PIK3R2: variants seen among roughly 807,000 people sequenced by gnomAD.
PIK3R2 encodes phosphatidylinositol 3-kinase regulatory subunit beta.
Under a neutral mutation model 78.5 loss-of-function variants are expected in PIK3R2, and 40 were observed. The ratio of observed to expected loss-of-function variants is 0.51; its 90% CI spans 0.40 to 0.66. The LOEUF is 0.66. Among genes scored for constraint, PIK3R2 ranks in the 30% least tolerant of loss-of-function variants. The probability of loss-of-function intolerance (pLI) is 0.00; values close to 1 mark genes in which losing one functional copy is unlikely to be tolerated. For synonymous variants in PIK3R2, 473 were observed against 457.7 expected (o/e 1.03, Z -0.43); for missense variants, 880 against 1,026.6 (o/e 0.86, Z 1.95).
intron 12 of PIK3R2, among the ~76,000 whole-genome samples, chr19:18,166,733 G>A (rs1001899727): frequency 6.6e-6 from 1 of 151,344 alleles, no homozygotes. Flanking sequence ...AAAGAAATGG[G>A]CTTTGAAGGA....
intron 2 of PIK3R2, among the ~76,000 whole-genome samples, chr19:18,159,347 G>A (rs1168690860): frequency 6.6e-6 from 1 of 151,682 alleles, no homozygotes; most frequent in African/African-American, 2.4e-5. Context: ...AATCAGGGTC[G>A]TGCCCCCTCT....
In PIK3R2 at chr19:18,169,334, C is replaced by G. The variant is rs910566187; in HGVS notation, c.*40C>G. The stretch of plus-strand genomic sequence containing the variant: ...CCCCAAGCAGAGCCGCCCCTGGGCC[C>G]GTCTGCGCCGGAGGCTGCGGCGGCG... On this transcript the variant is annotated 3_prime_UTR_variant, in exon 16 of 16. Transcript: ENST00000222254. 1.6e-6 allele frequency: 2 copies of G among 1,247,596 alleles called. No homozygotes were observed. The highest frequency in any genetic ancestry group is 1.6e-5 in the African/African-American group (1 of 62,258). 77.3% of individuals were successfully genotyped at this position (1,247,596 alleles called of 1,614,324 possible).
rs1440570627 is a variant in PIK3R2, at chr19:18,156,130, C to T, written c.251C>T (p.Ala84Val). Residue 84 changes from alanine to valine, a missense_variant, in exon 2 of 16, where the codon GCC becomes GTC. Transcript: ENST00000222254. The surrounding 1 kb of genome is among the most constrained non-coding windows in gnomAD (Gnocchi z 4.2). Reference sequence around the variant, plus strand: ...GAGTTCCTGGGGCCCGTGGCCCTGGCCCGGCCCGGCCCTCGCCCACGGGGC... The same window carrying T: ...GAGTTCCTGGGGCCCGTGGCCCTGGTCCGGCCCGGCCCTCGCCCACGGGGC... ...YVEFLGPVAL[A>V]RPGPRPRGPR... is the part of the protein sequence containing the mutation. The T allele has an allele frequency of 6.7e-6, 10 of 1,498,188 alleles. No individual in the cohort carries two copies. Among genetic ancestry groups the T allele is most frequent in the Non-Finnish European group, 8.9e-6 (10 of 1,126,412 alleles). The allele number at this position is 1,498,188 out of a possible 1,614,324, so 92.8% of individuals were successfully genotyped here.
In PIK3R2 at chr19:18,167,686, C is replaced by T. The variant is rs1286334161; in HGVS notation, c.1736+380C>T. 7.2e-5 allele frequency among the ~76,000 whole-genome samples: 11 copies of T among 151,922 alleles called. No homozygotes were observed. Among genetic ancestry groups the T allele is most frequent in the Non-Finnish European group, 1.3e-4 (9 of 67,976 alleles). On this transcript the variant is annotated intron_variant, in intron 13 of 15. Coordinates refer to ENST00000222254, the MANE Select transcript of PIK3R2 (RefSeq NM_005027.4). This position sits in a 1 kb window ranked among gnomAD's most constrained non-coding sequence, Gnocchi z 4.5. ...CAGCCTGGCCAACATGGTGAAACCC[C>T]GTCTCTACTAAAAATAAAAAATACA... is the stretch of plus-strand genomic sequence containing the variant.
rs2043748101 is a variant in PIK3R2 at position 18,161,632 on chromosome 19, A to G, written c.815+137A>G. On this transcript the variant is annotated intron_variant, in intron 6 of 15. Transcript: ENST00000222254. The surrounding 1 kb of genome is among the most constrained non-coding windows in gnomAD (Gnocchi z 5.3). ...CAGAGTGAGAAGCTGCGTTCTTGTG[A>G]TGACGGAGCGGAGACCTGGGCTCCT... is the stretch of plus-strand genomic sequence containing the variant. 1 of 499,602 alleles carries G rather than the reference A, an allele frequency of 2.0e-6. No homozygotes were observed. The highest frequency in any genetic ancestry group is 3.4e-5 in the East Asian group (1 of 29,476). 30.9% of individuals were successfully genotyped at this position (499,602 alleles called of 1,614,324 possible).
chr19:18,154,147 G>T (rs962611256), intron 1 of PIK3R2, among the ~76,000 whole-genome samples: 1 of 152,100 alleles, frequency 6.6e-6, no homozygotes, highest in Non-Finnish European at 1.5e-5. Flanking sequence ...CTTCCTATCC[G>T]CTGTGATGAT....
In PIK3R2 at chr19:18,155,460, G is replaced by A. The variant is rs1026745962; in HGVS notation, c.-420G>A. ...TGCCCTATCCCTGTCTCCCTAGGTC[G>A]GCGTCCTCAGCTGGCCGAGCATGGT... is the stretch of plus-strand genomic sequence containing the variant. On this transcript the variant is annotated 5_prime_UTR_variant, in exon 2 of 16. Coordinates refer to ENST00000222254, the MANE Select transcript of PIK3R2 (RefSeq NM_005027.4). The A allele has an allele frequency of 3.7e-5, 15 of 405,646 alleles. No homozygotes were observed. Among genetic ancestry groups the A allele is most frequent in the African/African-American group, 1.2e-4 (6 of 48,638 alleles). 25.1% of individuals were successfully genotyped at this position (405,646 alleles called of 1,614,324 possible).
At position 18,162,266 on chromosome 19, in the gene PIK3R2, A is replaced by G; in HGVS notation, c.966A>G (p.Pro322=). ...ASTVLANGGS[P]PSLQDAEWYW... ...CAGTCCTGGCCAATGGAGGGAGCCCACCCTCCCTGCAGGATGCTGAGTGGT... is the reference window on the plus strand; with the variant it reads ...CAGTCCTGGCCAATGGAGGGAGCCCGCCCTCCCTGCAGGATGCTGAGTGGT... The change falls in exon 8 of 16, where the codon CCA becomes CCG. Residue 322 remains proline (P), a synonymous_variant. Coordinates refer to ENST00000222254, the MANE Select transcript of PIK3R2 (RefSeq NM_005027.4). The G allele has an allele frequency of 6.2e-7, 1 of 1,610,192 alleles. No individual in the cohort carries two copies. Among genetic ancestry groups the G allele is most frequent in the Non-Finnish European group, 8.5e-7 (1 of 1,176,994 alleles).
In PIK3R2 at chr19:18,168,715, C is replaced by T. The variant is rs766403742; in HGVS notation, c.1809-11C>T. ...GACCAGGGCCCTCCCCGCCACCGCC[C>T]CCCACCCCAGCCAGTACGCACTCAT... On this transcript the variant is annotated splice_polypyrimidine_tract_variant and intron_variant, in intron 14 of 15. Coordinates refer to ENST00000222254, the MANE Select transcript of PIK3R2 (RefSeq NM_005027.4). The surrounding 1 kb of genome is among the most constrained non-coding windows in gnomAD (Gnocchi z 4.1). 6.2e-7 allele frequency: 1 copy of T among 1,608,862 alleles called. No individual in the cohort carries two copies. The highest frequency in any genetic ancestry group is 2.2e-5 in the East Asian group (1 of 44,824).
Position 18,169,275 on chromosome 19 carries a change from C to CGCCGCCT in PIK3R2, c.2175_2181dup (p.Arg728CysfsTer85). 2 of 1,507,482 alleles carry CGCCGCCT rather than the reference C, an allele frequency of 1.3e-6. No homozygotes were observed. The highest frequency in any genetic ancestry group is 1.8e-6 in the Non-Finnish European group (2 of 1,134,494). 93.4% of individuals were successfully genotyped at this position (1,507,482 alleles called of 1,614,324 possible). A position where few individuals can be genotyped will look rare whatever the true frequency, so the allele number is the denominator to read the frequency against. ...CCAGTGCGCGCCCCGGGCCCCGGCC[C>CGCCGCCT]GCCGCCTGCCGCCCGCTGAGCACCG... is the stretch of plus-strand genomic sequence containing the variant. On this transcript the variant is annotated frameshift_variant, in exon 16 of 16. Coordinates refer to ENST00000222254, the MANE Select transcript of PIK3R2 (RefSeq NM_005027.4). LOFTEE classifies it high-confidence loss of function.
chr19:18,159,875 G>C (rs1444338301), intron 2 of PIK3R2, among the ~76,000 whole-genome samples: 3 of 152,114 alleles, frequency 2.0e-5, no homozygotes, highest in Non-Finnish European at 4.4e-5. Context: ...CCGAGTAGCT[G>C]GGATTACAGG....
At position 18,156,309 on chromosome 19, in the gene PIK3R2, C is replaced by A; in HGVS notation, c.322+108C>A. On this transcript the variant is annotated intron_variant, in intron 2 of 15. Transcript: ENST00000222254. This position sits in a 1 kb window ranked among gnomAD's most constrained non-coding sequence, Gnocchi z 4.2. ...ATCTCCAAGGAAGGAGGAAAAAGGACATTTGGTCATTTGACAAGTGTCTTC... is the reference window on the plus strand; with the variant it reads ...ATCTCCAAGGAAGGAGGAAAAAGGAAATTTGGTCATTTGACAAGTGTCTTC... 1 of 857,020 alleles carries A rather than the reference C, an allele frequency of 1.2e-6. No homozygotes were observed. Among genetic ancestry groups the A allele is most frequent in the Admixed American group, 3.6e-5 (1 of 27,788 alleles). The allele number at this position is 857,020 out of a possible 1,614,324, so 53.1% of individuals were successfully genotyped here. A position where few individuals can be genotyped will look rare whatever the true frequency, so the allele number is the denominator to read the frequency against.
intron 11 of PIK3R2, among the ~76,000 whole-genome samples, chr19:18,164,710 A>C (rs1204866379): frequency 6.9e-6 from 1 of 145,584 alleles, no homozygotes; most frequent in African/African-American, 2.5e-5. Flanking sequence ...ATCTCAGCTC[A>C]CTGCAACCTC....
At position 18,169,312 on chromosome 19, in the gene PIK3R2, C is replaced by T; in HGVS notation, c.*18C>T. Reference sequence around the variant, plus strand: ...CCCGCTGAGCACCGAGGACCCGCCCCAAGCAGAGCCGCCCCTGGGCCCGTC... The same window carrying T: ...CCCGCTGAGCACCGAGGACCCGCCCTAAGCAGAGCCGCCCCTGGGCCCGTC... On this transcript the variant is annotated 3_prime_UTR_variant, in exon 16 of 16. Transcript: ENST00000222254. The T allele has an allele frequency of 7.2e-7, 1 of 1,389,050 alleles. No individual in the cohort carries two copies. Among genetic ancestry groups the T allele is most frequent in the Admixed American group, 3.3e-5 (1 of 29,880 alleles). The allele number at this position is 1,389,050 out of a possible 1,614,324, so 86.0% of individuals were successfully genotyped here.
At chr19:18,162,705 GA>G in intron 9 of PIK3R2, 199 bp downstream of exon 9, 1 of 606,656 alleles carries the variant, frequency 1.6e-6, no homozygotes. Flanking sequence ...CCAACATGGT[GA>G]AACCCCGTCT....
chr19:18,163,364 T>C lies in PIK3R2; in HGVS notation c.1392T>C (p.Tyr464=), dbSNP rs1291958721. The C allele has an allele frequency of 1.9e-6, 3 of 1,613,956 alleles. No individual in the cohort carries two copies. Among genetic ancestry groups the C allele is most frequent in the Non-Finnish European group, 2.5e-6 (3 of 1,180,002 alleles). Residue 464 remains tyrosine (Y), a synonymous_variant, in exon 11 of 16, where the codon TAT becomes TAC. Coordinates refer to ENST00000222254, the MANE Select transcript of PIK3R2 (RefSeq NM_005027.4). ...QDKSREYDQL[Y]EEYTRTSQEL... Reference sequence around the variant, plus strand: ...AGAGCCGCGAGTATGACCAGCTTTATGAAGAGTACACACGGACCTCCCAGG... The same window carrying C: ...AGAGCCGCGAGTATGACCAGCTTTACGAAGAGTACACACGGACCTCCCAGG...
Position 18,163,423 on chromosome 19 carries a change from C to T in PIK3R2, c.1416+35C>T, listed in dbSNP as rs767226581. The T allele has an allele frequency of 2.4e-5, 39 of 1,612,262 alleles. No homozygotes were observed. The East Asian group carries it at 8.5e-4, about 35-fold the overall frequency. On this transcript the variant is annotated intron_variant, in intron 11 of 15. Transcript: ENST00000222254. ...GCCCCGTACATGAGGGAAACCGAGA[C>T]ATAGAGGGGCAGTGGCAAGGCCGGG...
rs999159666 is a variant in PIK3R2 at position 18,167,875 on chromosome 19, G to T, written c.1736+569G>T. Among the ~76,000 whole-genome samples the T allele has an allele frequency of 5.4e-5, 8 of 149,268 alleles. No individual in the cohort carries two copies. Among genetic ancestry groups the T allele is most frequent in the African/African-American group, 9.8e-5 (4 of 40,644 alleles). On this transcript the variant is annotated intron_variant, in intron 13 of 15. Coordinates refer to ENST00000222254, the MANE Select transcript of PIK3R2 (RefSeq NM_005027.4). The surrounding 1 kb of genome is among the most constrained non-coding windows in gnomAD (Gnocchi z 4.5). Reference sequence around the variant, plus strand: ...CAACACTCTGCCTCAGAAAAGAAAAGAAAAAAAAAATCGCCTGCTGTGCAA... The same window carrying T: ...CAACACTCTGCCTCAGAAAAGAAAATAAAAAAAAAATCGCCTGCTGTGCAA...
intron 2 of PIK3R2, among the ~76,000 whole-genome samples, chr19:18,158,720 CA>C (rs1304092153): frequency 6.6e-6 from 1 of 152,212 alleles, no homozygotes; most frequent in Non-Finnish European, 1.5e-5. Flanking sequence ...CAAGATTGCA[CA>C]GCAGGTTGTG....
Sources: allele counts gnomAD v4.1 joint callset (sites outside exome capture counted in the v4.1 genomes callset), GRCh38; gene constraint gnomAD v4.1.1; non-coding constraint Gnocchi (gnomAD v3.1); transcripts MANE v1.5; gene names NCBI Gene and HGNC (gene_info 2026-07-23, HGNC 2026-07-21).